Variants in ZNF385D observed in about 807,000 individuals in gnomAD.
ZNF385D encodes zinc finger protein 659.
Under a neutral mutation model 35.8 loss-of-function variants are expected in ZNF385D, and 15 were observed. That is an observed-to-expected ratio of 0.42 (90% CI 0.28 to 0.64). The LOEUF is 0.64. ZNF385D is among the 30% of genes least tolerant of loss of function. ZNF385D has a pLI of 0.23. For missense variants in ZNF385D, 474 were observed against 494.6 expected (o/e 0.96, Z 0.39); for synonymous variants, 212 against 186.8 (o/e 1.13, Z -1.10).
Position 21,425,577 on chromosome 3 carries a change from T to C in ZNF385D, c.767A>G (p.Asn256Ser), listed in dbSNP as rs774046883. ...RAGVKGKGPV[N>S]KGNTGLQNKT... The stretch of plus-strand genomic sequence containing the variant: ...ATTTTGGAGGCCTGTGTTTCCTTTA[T>C]TAACAGGTCCTTTGCCTTTCACTCC... Residue 256 changes from asparagine (N) to serine (S), a missense_variant, in exon 6 of 8, where the codon AAT becomes AGT. Asn to Ser is a conservative substitution (Grantham distance 46). Transcript: ENST00000281523. 1.9e-6 allele frequency: 3 copies of C among 1,611,830 alleles called. No homozygotes were observed. Among genetic ancestry groups the C allele is most frequent in the Non-Finnish European group, 2.5e-6 (3 of 1,179,012 alleles).
chr3:21,486,513 T>G (rs921630180), intron 4 of ZNF385D, among the ~76,000 whole-genome samples: 3 of 152,148 alleles, frequency 2.0e-5, no homozygotes, highest in Non-Finnish European at 4.4e-5. Flanking sequence ...TAAATGTGCT[T>G]GCAAACAGGT....
intron 1 of ZNF385D, among the ~76,000 whole-genome samples, chr3:21,749,426 TA>T (rs2069948433): frequency 6.6e-6 from 1 of 152,196 alleles, no homozygotes; most frequent in African/African-American, 2.4e-5. Flanking sequence ...AAATATAAAC[TA>T]AAATTATAAT....
chr3:21,914,797 T>G (rs1700118334), intron 3 of ZNF385D, among the ~76,000 whole-genome samples: 1 of 152,036 alleles, frequency 6.6e-6, no homozygotes, highest in Non-Finnish European at 1.5e-5. Flanking sequence ...AAAAGCCACT[T>G]CATTATCTGA....
chr3:22,145,075 T>G (rs142746377), intron 3 of ZNF385D, among the ~76,000 whole-genome samples: 345 of 152,196 alleles, frequency 2.3e-3, no homozygotes, highest in African/African-American at 7.9e-3. Flanking sequence ...TACATACTTA[T>G]CAGCAGTACT....
At chr3:21,567,539 G>A (rs1176770371) in intron 2 of ZNF385D, among the ~76,000 whole-genome samples, 1 of 152,086 alleles carries the variant, frequency 6.6e-6, no homozygotes, top group Non-Finnish European at 1.5e-5. Flanking sequence ...AGAGAACACT[G>A]AAGGGTAATT....
At chr3:21,810,886 G>A (rs2072888564) in intron 3 of ZNF385D, among the ~76,000 whole-genome samples, 1 of 151,156 alleles carries the variant, frequency 6.6e-6, no homozygotes, top group Non-Finnish European at 1.5e-5. Context: ...AAATTAAATG[G>A]TAAATTGTTT....
rs150601914 is a variant in ZNF385D at position 21,560,162 on chromosome 3, A to G, written c.276+4412T>C. Among the ~76,000 whole-genome samples, 635 of 152,240 alleles carry G rather than the reference A, an allele frequency of 4.2e-3. 10 individuals carry two copies. The highest frequency in any genetic ancestry group is 0.015 in the African/African-American group (605 of 41,544). ...CACCTTCTGAAGCCTACTTCTGTCA[A>G]TTCGTCAAACTCATTCTGCATCCTG... On this transcript the variant is annotated intron_variant, in intron 3 of 7. Coordinates refer to ENST00000281523, the MANE Select transcript of ZNF385D (RefSeq NM_024697.3).
At chr3:21,913,559 C>A (rs901646172) in intron 3 of ZNF385D, among the ~76,000 whole-genome samples, 11 of 152,106 alleles carry the variant, frequency 7.2e-5, no homozygotes, top group Non-Finnish European at 1.2e-4. Flanking sequence ...AATATTATAG[C>A]AACTCATCAT....
chr3:21,636,859 GA>G (rs2065465913), intron 2 of ZNF385D, among the ~76,000 whole-genome samples: 1 of 151,976 alleles, frequency 6.6e-6, no homozygotes, highest in African/African-American at 2.4e-5. Flanking sequence ...TAGTGATGTT[GA>G]GCTTTTTTTA....
chr3:22,085,502 T>C lies in ZNF385D; in HGVS notation c.325+83315A>G, dbSNP rs562947863. On this transcript the variant is annotated intron_variant, in intron 3 of 5. Transcript: ENST00000494108. ...AGAAATGGATAAATTCCTCGACACA[T>C]ACACCCTCCCAAGACTAAACCAGGA... Among the ~76,000 whole-genome samples the C allele has an allele frequency of 1.9e-3, 290 of 152,170 alleles. 2 individuals are homozygous for C. Among genetic ancestry groups the C allele is most frequent in the African/African-American group, 5.4e-3 (226 of 41,530 alleles).
intron 3 of ZNF385D, among the ~76,000 whole-genome samples, chr3:21,982,049 C>A (rs113666032): frequency 8.5e-6 from 1 of 117,144 alleles, no homozygotes; most frequent in African/African-American, 3.5e-5. Context: ...TATTTGGGCT[C>A]TTTTTTGGTT....
intron 1 of ZNF385D, among the ~76,000 whole-genome samples, chr3:21,680,141 C>A (rs2066854178): frequency 6.6e-6 from 1 of 152,058 alleles, no homozygotes; most frequent in African/African-American, 2.4e-5. Flanking sequence ...TCTGTCACCT[C>A]TTCTCTCTTG....
intron 2 of ZNF385D, among the ~76,000 whole-genome samples, chr3:22,198,930 G>C (rs1696599849): frequency 6.6e-6 from 1 of 152,058 alleles, no homozygotes; most frequent in Non-Finnish European, 1.5e-5. Context: ...TTTGCTGAAT[G>C]GAATTGCTGT....
At chr3:21,828,685 A>G (rs1384932802) in intron 3 of ZNF385D, among the ~76,000 whole-genome samples, 1 of 152,234 alleles carries the variant, frequency 6.6e-6, no homozygotes, top group Non-Finnish European at 1.5e-5. Flanking sequence ...CCAACAAATT[A>G]CTACAACCTT....
chr3:21,675,176 A>G (rs538603158), intron 1 of ZNF385D, among the ~76,000 whole-genome samples: 7 of 152,196 alleles, frequency 4.6e-5, no homozygotes, highest in African/African-American at 1.7e-4. Flanking sequence ...TAGTGCAATT[A>G]AGCTCCCATT....
chr3:22,178,855 T>C (rs1054789042), intron 2 of ZNF385D, among the ~76,000 whole-genome samples: 5 of 152,210 alleles, frequency 3.3e-5, no homozygotes, highest in Non-Finnish European at 7.3e-5. Flanking sequence ...CTTTCCCCAT[T>C]TCTTGTTTTT....
At chr3:22,114,498 T>G (rs186408702) in intron 3 of ZNF385D, among the ~76,000 whole-genome samples, 1 of 152,058 alleles carries the variant, frequency 6.6e-6, no homozygotes, top group African/African-American at 2.4e-5. Flanking sequence ...AGTAGTTTAT[T>G]TGGGAAGTGA....
At chr3:21,833,019 C>T (rs969907273) in intron 3 of ZNF385D, among the ~76,000 whole-genome samples, 4 of 152,082 alleles carry the variant, frequency 2.6e-5, no homozygotes, top group Admixed American at 6.5e-5. Context: ...CCAATGGTAG[C>T]GCACATCCTA....
intron 3 of ZNF385D, among the ~76,000 whole-genome samples, chr3:21,994,538 T>C (rs1398569006): frequency 3.9e-5 from 6 of 152,184 alleles, no homozygotes; most frequent in Non-Finnish European, 8.8e-5. Context: ...ATTTCATAGA[T>C]TTCTCTTTCA....
Sources: allele counts gnomAD v4.1 joint callset (sites outside exome capture counted in the v4.1 genomes callset), GRCh38; gene constraint gnomAD v4.1.1; transcripts MANE v1.5; gene names NCBI Gene and HGNC (gene_info 2026-07-23, HGNC 2026-07-21).